DACH2: variants seen among roughly 807,000 people sequenced by gnomAD.
DACH2 encodes dachshund family transcription factor 2.
Under a neutral mutation model 35.8 loss-of-function variants are expected in DACH2, and 17 were observed. That is an observed-to-expected ratio of 0.48 (90% CI 0.33 to 0.71). The LOEUF (loss-of-function observed/expected upper bound fraction) is 0.71, where lower values mean the gene tolerates loss of function less well. Among genes scored for constraint, DACH2 ranks in the 30% least tolerant of loss-of-function variants. The probability of loss-of-function intolerance (pLI) is 0.02; values close to 1 mark genes in which losing one functional copy is unlikely to be tolerated. For synonymous variants in DACH2, 195 were observed against 177.3 expected (o/e 1.10, Z -0.79); for missense variants, 469 against 472.7 (o/e 0.99, Z 0.07).
intron 3 of DACH2, among the ~76,000 whole-genome samples, chrX:86,532,180 G>A (rs1602615955): frequency 8.9e-6 from 1 of 112,184 alleles, no homozygotes. Flanking sequence ...TGCCTTGTCT[G>A]AGATGAGACT....
chrX:86,690,523 T>A (rs1054113036), intron 4 of DACH2, among the ~76,000 whole-genome samples: 1 of 111,490 alleles, frequency 9.0e-6, no homozygotes, highest in Non-Finnish European at 1.9e-5. Flanking sequence ...TCCCCATGAT[T>A]CATAGGTCTC....
chrX:86,398,363 A>T (rs748592273), intron 2 of DACH2, among the ~76,000 whole-genome samples: 1 of 112,114 alleles, frequency 8.9e-6, no homozygotes, highest in African/African-American at 3.2e-5. Context: ...TGATTTTTTG[A>T]AGGGTTTTTT....
At chrX:86,337,437 A>G (rs1478210518) in intron 1 of DACH2, among the ~76,000 whole-genome samples, 1 of 112,026 alleles carries the variant, frequency 8.9e-6, no homozygotes, top group Admixed American at 9.5e-5. Flanking sequence ...ATTCTTAGAG[A>G]AAATAATTTT....
intron 3 of DACH2, among the ~76,000 whole-genome samples, chrX:86,532,786 G>A (rs2038741792): frequency 9.0e-6 from 1 of 110,819 alleles, no homozygotes; most frequent in Admixed American, 9.6e-5. Flanking sequence ...CTTTCTGAAG[G>A]TGACATCTGT....
intron 7 of DACH2, among the ~76,000 whole-genome samples, chrX:86,803,449 A>G (rs994026657): frequency 8.9e-6 from 1 of 111,809 alleles, no homozygotes; most frequent in Non-Finnish European, 1.9e-5. Flanking sequence ...AGAGTTGACC[A>G]GAAACTCTTT....
chrX:86,653,323 T>C, intron 4 of DACH2, among the ~76,000 whole-genome samples: 1 of 111,971 alleles, frequency 8.9e-6, no homozygotes, highest in East Asian at 2.8e-4. Flanking sequence ...GCGGTTTTGT[T>C]TACTGTATCC....
chrX:86,445,274 C>T (rs1268275301), intron 2 of DACH2, among the ~76,000 whole-genome samples: 1 of 97,472 alleles, frequency 1.0e-5, no homozygotes, highest in Non-Finnish European at 2.0e-5. Flanking sequence ...AACCAAACAC[C>T]GCATATTCTC....
At chrX:86,229,432 C>G (rs2032899424) in intron 1 of DACH2, among the ~76,000 whole-genome samples, 1 of 111,620 alleles carries the variant, frequency 9.0e-6, no homozygotes, top group South Asian at 3.7e-4. Context: ...TTTGCTCGGT[C>G]TTGCTTTGGC....
chrX:86,701,724 A>T (rs763522959), intron 5 of DACH2, among the ~76,000 whole-genome samples: 1 of 111,922 alleles, frequency 8.9e-6, no homozygotes, highest in South Asian at 3.7e-4. Flanking sequence ...AACAGCATGG[A>T]TGGAGCTGGA....
At chrX:86,238,734 A>G (rs2033105738) in intron 1 of DACH2, among the ~76,000 whole-genome samples, 1 of 110,971 alleles carries the variant, frequency 9.0e-6, no homozygotes, top group Admixed American at 9.7e-5. Context: ...CCCTACCAGT[A>G]CATAATGAAA....
At chrX:86,384,227 T>C (rs2148111885) in intron 2 of DACH2, among the ~76,000 whole-genome samples, 1 of 111,138 alleles carries the variant, frequency 9.0e-6, no homozygotes, top group African/African-American at 3.3e-5. Flanking sequence ...CCACCTATTA[T>C]TGTGCAATGG....
intron 7 of DACH2, among the ~76,000 whole-genome samples, chrX:86,767,678 T>C (rs1048724938): frequency 3.6e-5 from 4 of 112,090 alleles, no homozygotes; most frequent in African/African-American, 1.3e-4. Flanking sequence ...CCCTTCATTA[T>C]ACTGGATGAA....
At chrX:86,287,329 C>A (rs1221544535) in intron 1 of DACH2, among the ~76,000 whole-genome samples, 2 of 111,156 alleles carry the variant, frequency 1.8e-5, no homozygotes, top group Non-Finnish European at 3.8e-5. Context: ...TATCTTAGGC[C>A]TTTGGGAGTT....
At chrX:86,535,778 C>G (rs758418245) in intron 3 of DACH2, among the ~76,000 whole-genome samples, 1 of 110,623 alleles carries the variant, frequency 9.0e-6, no homozygotes, top group East Asian at 2.9e-4. Flanking sequence ...GAAGGGGTCC[C>G]GAGCAGGTAG....
At position 86,186,996 on chromosome X, in the gene DACH2, G is replaced by A. The variant is rs1027630976; in HGVS notation, c.488+37888G>A. On this transcript the variant is annotated intron_variant, in intron 1 of 11. Coordinates refer to ENST00000373125, the MANE Select transcript of DACH2 (RefSeq NM_053281.3). ...GGCAATTTGGGTAGAAAAGAAACGG[G>A]AATTTATTTACTTTGAGTCTTCTAG... is the stretch of plus-strand genomic sequence containing the variant. Among the ~76,000 whole-genome samples, 5 of 111,473 alleles carry A rather than the reference G, an allele frequency of 4.5e-5. No homozygotes were observed. In the South Asian group the frequency reaches 1.5e-3, roughly 33 times the overall value.
At chrX:86,533,277 TC>T (rs1238776778) in intron 3 of DACH2, among the ~76,000 whole-genome samples, 2 of 111,796 alleles carry the variant, frequency 1.8e-5, no homozygotes, top group Non-Finnish European at 3.8e-5. Context: ...GGTCTCTGAC[TC>T]CCCAAATTAT....
chrX:86,256,227 T>A (rs918127320), intron 1 of DACH2, among the ~76,000 whole-genome samples: 1 of 111,533 alleles, frequency 9.0e-6, no homozygotes. Context: ...TATATATTAA[T>A]TAATCAACAT....
At chrX:86,824,208 A>C (rs957844820) in intron 11 of DACH2, among the ~76,000 whole-genome samples, 2 of 109,640 alleles carry the variant, frequency 1.8e-5, no homozygotes, top group Non-Finnish European at 3.8e-5. Context: ...CCGTTTATAG[A>C]CCTCCCCCCA....
At chrX:86,296,585 ATT>A (rs917908231) in intron 1 of DACH2, among the ~76,000 whole-genome samples, 1 of 110,536 alleles carries the variant, frequency 9.0e-6, no homozygotes, top group African/African-American at 3.3e-5. Flanking sequence ...GGATAATCTT[ATT>A]TTTTCATTAT....
Sources: gnomAD v4.1 joint callset for allele counts (sites outside exome capture counted in the v4.1 genomes callset) on GRCh38, gnomAD v4.1.1 for gene constraint, MANE v1.5 for transcripts, NCBI Gene and HGNC (gene_info 2026-07-23, HGNC 2026-07-21) for gene names.